The following MLIP variants were observed in gnomAD, a reference collection of about 807,000 sequenced individuals.
MLIP encodes muscular LMNA interacting protein, also known as muscular LMNA-interacting protein.
A neutral mutation model predicts 84.8 loss-of-function variants in MLIP; 79 were observed. That is an observed-to-expected ratio of 0.93 (90% CI 0.78 to 1.12). MLIP has a LOEUF of 1.12. Among genes scored for constraint, MLIP ranks in the 50% most tolerant of loss-of-function variants. The pLI is 0.00. For missense variants in MLIP, 1,257 were observed against 1,160.6 expected (o/e 1.08, Z -1.21); for synonymous variants, 504 against 463.0 (o/e 1.09, Z -1.14).
intron 11 of MLIP, among the ~76,000 whole-genome samples, chr6:54,205,805 T>C (rs1778995978): frequency 6.6e-6 from 1 of 152,220 alleles, no homozygotes; most frequent in South Asian, 2.1e-4. Context: ...AAATGAAGAT[T>C]ATGCTTTTCT....
intron 8 of MLIP, among the ~76,000 whole-genome samples, chr6:54,167,748 A>G (rs922731282): frequency 6.6e-6 from 1 of 151,766 alleles, no homozygotes; most frequent in African/African-American, 2.4e-5. Context: ...GCCAGAAAAA[A>G]CTACCTGAAT....
intron 9 of MLIP, 118 bp downstream of exon 9, chr6:54,169,690 G>A (rs1351005116): frequency 9.3e-6 from 5 of 536,240 alleles, no homozygotes; most frequent in Non-Finnish European, 1.2e-5. Flanking sequence ...TAAGTTGAAG[G>A]GTAGGATGAT....
chr6:54,188,241 G>A (rs1264761315), intron 9 of MLIP, among the ~76,000 whole-genome samples: 2 of 152,136 alleles, frequency 1.3e-5, no homozygotes, highest in Admixed American at 1.3e-4. Flanking sequence ...CACTACTGTA[G>A]ACTTTTAGCT....
intron 4 of MLIP, among the ~76,000 whole-genome samples, chr6:54,142,830 A>G (rs188692934): frequency 1.4e-4 from 21 of 152,252 alleles, no homozygotes; most frequent in Non-Finnish European, 5.9e-5. Flanking sequence ...GAAGGTGAAG[A>G]TAAGATTTCC....
At chr6:54,214,404 G>T (rs1481306871) in intron 11 of MLIP, among the ~76,000 whole-genome samples, 1 of 152,156 alleles carries the variant, frequency 6.6e-6, no homozygotes, top group Non-Finnish European at 1.5e-5. Context: ...ATTTATCAGG[G>T]ATTATCTTCA....
intron 3 of MLIP, among the ~76,000 whole-genome samples, chr6:54,131,420 C>T (rs1177947681): frequency 6.6e-6 from 1 of 151,960 alleles, no homozygotes; most frequent in Non-Finnish European, 1.5e-5. Flanking sequence ...TAGGTCACAC[C>T]CACGCAGGAT....
chr6:54,230,272 T>G (rs1780894647), intron 11 of MLIP, among the ~76,000 whole-genome samples: 1 of 152,144 alleles, frequency 6.6e-6, no homozygotes, highest in South Asian at 2.1e-4. Context: ...ACTTTAATAT[T>G]TTCCACAATG....
chr6:54,142,351 G>A (rs778304040), intron 4 of MLIP, among the ~76,000 whole-genome samples: 11 of 152,182 alleles, frequency 7.2e-5, no homozygotes, highest in Non-Finnish European at 1.5e-4. Flanking sequence ...GTGTCATAGA[G>A]AAAAGTATAT....
chr6:54,115,522 C>A (rs113205878), intron 1 of MLIP, among the ~76,000 whole-genome samples: 1 of 152,012 alleles, frequency 6.6e-6, no homozygotes, highest in African/African-American at 2.4e-5. Context: ...AGCTATTGGG[C>A]AAGGCTAGGG....
chr6:54,121,424 C>G, intron 1 of MLIP, 23 bp from the exon 2 acceptor site: 1 of 1,610,744 alleles, frequency 6.2e-7, no homozygotes, highest in Non-Finnish European at 8.5e-7. Flanking sequence ...GGCTGAAAGT[C>G]TAATTAACTA....
intron 4 of MLIP, among the ~76,000 whole-genome samples, chr6:54,143,555 A>G (rs1320045842): frequency 6.6e-6 from 1 of 152,096 alleles, no homozygotes; most frequent in African/African-American, 2.4e-5. Flanking sequence ...CAAACAAGAG[A>G]ATTGTCAAAG....
intron 13 of MLIP, among the ~76,000 whole-genome samples, chr6:54,262,900 A>G (rs568023797): frequency 1.5e-3 from 226 of 152,222 alleles, no homozygotes; most frequent in Non-Finnish European, 2.7e-3. Context: ...AACCAGAATT[A>G]AAATCAGAGA....
Position 54,136,787 on chromosome 6 carries a change from A to T in MLIP, c.718A>T (p.Asn240Tyr), listed in dbSNP as rs1257923402. The T allele has an allele frequency of 1.3e-6, 2 of 1,526,752 alleles. No homozygotes were observed. Among genetic ancestry groups the T allele is most frequent in the Non-Finnish European group, 8.8e-7 (1 of 1,139,170 alleles). The allele number at this position is 1,526,752 out of a possible 1,614,324, so 94.6% of individuals were successfully genotyped here. A position where few individuals can be genotyped will look rare whatever the true frequency, so the allele number is the denominator to read the frequency against. The change falls in exon 4 of 14, where the codon AAT (asparagine) becomes TAT (tyrosine). Residue 240 changes from asparagine (N) to tyrosine (Y), a missense_variant. Asn to Tyr is a moderately radical substitution (Grantham distance 143, BLOSUM62 -2). Transcript: ENST00000502396. ...TGCTTTCTCCTTTGTTTCTCCAACT[A>T]ATCCGAACACACCACCCGACCCAGT... ...PPAFSFVSPT[N>Y]PNTPPDPVNL...
In MLIP at chr6:54,050,698, T is replaced by C. The variant is rs568885688; in HGVS notation, c.63+31607T>C. On this transcript the variant is annotated intron_variant, in intron 1 of 12. Coordinates refer to the MLIP transcript ENST00000274897. ...AAACATAAAATCGTGGAAGAGAATG[T>C]TGTTTTGCCCCAGCTGGTTAAAATA... Among the ~76,000 whole-genome samples the C allele has an allele frequency of 4.9e-4, 75 of 152,274 alleles. 1 individual carries two copies. The South Asian group carries it at 0.013, about 27-fold the overall frequency.
intron 4 of MLIP, among the ~76,000 whole-genome samples, chr6:54,141,518 G>C (rs1043875268): frequency 2.6e-5 from 4 of 152,006 alleles, no homozygotes; most frequent in African/African-American, 9.7e-5. Flanking sequence ...TGTTGGCCAG[G>C]CTGGTCTTGA....
rs180676965 is a variant in MLIP, at chr6:54,123,532, A to G, written c.253-941A>G. On this transcript the variant is annotated intron_variant, in intron 2 of 13. Transcript: ENST00000502396. ...TGTATAAAATCAACTTTTTAGTTAT[A>G]TTTAATCAGTGATTTGACTTCTGTC... is the stretch of plus-strand genomic sequence containing the variant. Among the ~76,000 whole-genome samples the G allele has an allele frequency of 2.1e-3, 314 of 152,314 alleles. 1 individual carries two copies. The highest frequency in any genetic ancestry group is 6.4e-3 in the African/African-American group (268 of 41,568).
intron 11 of MLIP, among the ~76,000 whole-genome samples, chr6:54,213,370 A>G (rs377305770): frequency 1.9e-4 from 29 of 152,194 alleles, no homozygotes; most frequent in African/African-American, 5.5e-4. Context: ...CTAAATGTAT[A>G]GATTTTGTAA....
chr6:54,041,611 T>C (rs1249853549), intron 1 of MLIP, among the ~76,000 whole-genome samples: 1 of 152,160 alleles, frequency 6.6e-6, no homozygotes, highest in Non-Finnish European at 1.5e-5. Context: ...TTTTTTATTA[T>C]AGTCATCCTA....
intron 1 of MLIP, among the ~76,000 whole-genome samples, chr6:54,117,028 T>C (rs1769981397): frequency 6.6e-6 from 1 of 152,146 alleles, no homozygotes; most frequent in African/African-American, 2.4e-5. Flanking sequence ...CAGAAAAGCA[T>C]TTGACAAAAT....
Sources: allele counts gnomAD v4.1 joint callset (sites outside exome capture counted in the v4.1 genomes callset), GRCh38; gene constraint gnomAD v4.1.1; transcripts MANE v1.5; gene names NCBI Gene and HGNC (gene_info 2026-07-23, HGNC 2026-07-21).